Variants in MCCC1 observed in about 807,000 individuals in gnomAD.
MCCC1 encodes the protein methylcrotonoyl-CoA carboxylase subunit alpha, mitochondrial.
MCCC1 carries 64 observed loss-of-function variants against 83.8 expected under a neutral mutation model. The ratio of observed to expected loss-of-function variants is 0.76; its 90% CI spans 0.62 to 0.94. The LOEUF (loss-of-function observed/expected upper bound fraction) is 0.94. Among genes scored for constraint, MCCC1 ranks in the 40% least tolerant of loss-of-function variants. The pLI is 0.00. For synonymous variants in MCCC1, 322 were observed against 315.4 expected (o/e 1.02, Z -0.22); for missense variants, 807 against 904.7 (o/e 0.89, Z 1.39).
chr3:183,059,837 A>C (rs1048844126), intron 7 of MCCC1, among the ~76,000 whole-genome samples: 2 of 152,140 alleles, frequency 1.3e-5, no homozygotes, highest in African/African-American at 4.8e-5. Flanking sequence ...CTCTTCTTGC[A>C]TGGTTTCTGA....
At chr3:183,103,973 G>A (rs1353052077), upstream of MCCC1, among the ~76,000 whole-genome samples, 3 of 152,170 alleles carry the variant, frequency 2.0e-5, no homozygotes, top group South Asian at 2.1e-4. Flanking sequence ...TACACCCTCC[G>A]CAGCCGCTGG....
chr3:183,097,325 C>T (rs1718815127), intron 1 of MCCC1, among the ~76,000 whole-genome samples: 1 of 151,986 alleles, frequency 6.6e-6, no homozygotes, highest in African/African-American at 2.4e-5. Flanking sequence ...ATTCTGCCAC[C>T]AGAGATTATT....
At position 183,071,136 on chromosome 3, in the gene MCCC1, T is replaced by A. The variant is rs528861529; in HGVS notation, c.640-16A>T. 1.2e-6 allele frequency: 2 copies of A among 1,614,194 alleles called. No homozygotes were observed. The highest frequency in any genetic ancestry group is 2.2e-5 in the East Asian group (1 of 44,880). ...TCCTCATTCCCTAAGAGAGAAAAGA[T>A]GATTATGACTACAACATAAATAAAA... On this transcript the variant is annotated splice_polypyrimidine_tract_variant and intron_variant, in intron 6 of 18. Coordinates refer to ENST00000265594, the MANE Select transcript of MCCC1 (RefSeq NM_020166.5).
intron 7 of MCCC1, among the ~76,000 whole-genome samples, chr3:183,068,808 T>C (rs1577324842): frequency 1.3e-5 from 2 of 152,188 alleles, no homozygotes; most frequent in African/African-American, 2.4e-5. Context: ...ATACTTACCA[T>C]TGTGTTACAA....
intron 1 of MCCC1, among the ~76,000 whole-genome samples, chr3:183,114,767 G>A (rs1194862083): frequency 2.0e-5 from 3 of 152,170 alleles, no homozygotes; most frequent in African/African-American, 7.2e-5. Flanking sequence ...GAATCGTGGT[G>A]TTTTATTGGA....
chr3:183,059,428 T>C (rs928771060), intron 7 of MCCC1, among the ~76,000 whole-genome samples: 1 of 152,264 alleles, frequency 6.6e-6, no homozygotes. Flanking sequence ...TTTTTCTTTT[T>C]AGTTTTCTTG....
chr3:183,015,836 C>T (rs181737199), intron 18 of MCCC1, among the ~76,000 whole-genome samples: 9 of 151,734 alleles, frequency 5.9e-5, no homozygotes, highest in South Asian at 2.1e-4. Context: ...TGGTGTAGCT[C>T]GCAGTTCTCA....
upstream of MCCC1, chr3:183,099,529 G>A (rs779270029): frequency 3.3e-6 from 5 of 1,494,126 alleles, no homozygotes; most frequent in East Asian, 4.9e-5. Context: ...ACGAAGCCTC[G>A]TGACCCCCGC....
intron 1 of MCCC1, among the ~76,000 whole-genome samples, chr3:183,104,574 T>C (rs73178990): frequency 0.12 from 18,285 of 152,208 alleles, 1,227 homozygotes; most frequent in East Asian, 0.2. Flanking sequence ...TTGCAACTCT[T>C]ATCACAGATG....
At position 183,070,733 on chromosome 3, in the gene MCCC1, CA is replaced by C. The variant is rs11313652; in HGVS notation, c.761+265del. ...GGGCAACTGAATGAGAGACTCCGTC[CA>C]AAAAAAAAAAAAAATTCTATTCACT... On this transcript the variant is annotated intron_variant, in intron 7 of 18. Transcript: ENST00000265594. 0.88 allele frequency among the ~76,000 whole-genome samples: 126,630 copies of C among 143,610 alleles called. 55,887 individuals are homozygous for C. The highest frequency in any genetic ancestry group is 1 in the East Asian group (4,908 of 4,930). 94.2% of individuals were successfully genotyped at this position (143,610 alleles called of 152,430 possible). A position where few individuals can be genotyped will look rare whatever the true frequency, so the allele number is the denominator to read the frequency against.
chr3:183,021,709 G>T (rs939076234), intron 16 of MCCC1, among the ~76,000 whole-genome samples: 2 of 152,054 alleles, frequency 1.3e-5, no homozygotes, highest in African/African-American at 4.8e-5. Flanking sequence ...TTACTGTAGC[G>T]TAATTGGCTA....
intron 8 of MCCC1, among the ~76,000 whole-genome samples, chr3:183,056,060 G>A (rs1050834974): frequency 2.0e-5 from 3 of 152,108 alleles, no homozygotes; most frequent in Admixed American, 2.0e-4. Context: ...TAAAATAAAT[G>A]TATGTCTAGA....
At chr3:183,062,804 T>C (rs1161510472) in intron 7 of MCCC1, among the ~76,000 whole-genome samples, 1 of 152,204 alleles carries the variant, frequency 6.6e-6, no homozygotes, top group African/African-American at 2.4e-5. Flanking sequence ...TGCAGCTTTA[T>C]CTAACTTAGA....
rs151194222 is a variant in MCCC1 at position 183,067,674 on chromosome 3, A to C, written c.761+3325T>G. On this transcript the variant is annotated intron_variant, in intron 7 of 18. Transcript: ENST00000265594. ...CTCAGAAGAAACAGGAGGGACTGGT[A>C]ATGCAAATATCTGAATCAATATTCT... Among the ~76,000 whole-genome samples the C allele has an allele frequency of 6.2e-3, 940 of 152,326 alleles. 11 individuals carry two copies. Among genetic ancestry groups the C allele is most frequent in the African/African-American group, 0.021 (887 of 41,570 alleles).
intron 4 of MCCC1, among the ~76,000 whole-genome samples, chr3:183,073,434 G>GA (rs1324077548): frequency 2.0e-5 from 3 of 152,032 alleles, no homozygotes; most frequent in East Asian, 1.9e-4. Context: ...CATCTTTCCA[G>GA]AAAAAAAGCT....
intron 13 of MCCC1, among the ~76,000 whole-genome samples, chr3:183,034,746 T>G (rs575695036): frequency 4.6e-5 from 7 of 151,790 alleles, no homozygotes; most frequent in Non-Finnish European, 7.4e-5. Context: ...CTCTTTTATG[T>G]TTTTATGTTG....
intron 15 of MCCC1, among the ~76,000 whole-genome samples, chr3:183,023,451 G>A (rs1712321548): frequency 6.6e-6 from 1 of 152,148 alleles, no homozygotes; most frequent in South Asian, 2.1e-4. Flanking sequence ...ATTGAAAACA[G>A]TTTTGTTTAA....
intron 9 of MCCC1, among the ~76,000 whole-genome samples, chr3:183,049,517 A>G (rs1393521216): frequency 1.3e-5 from 2 of 151,614 alleles, no homozygotes; most frequent in Admixed American, 6.6e-5. Flanking sequence ...GGTTGCAGTG[A>G]GCCAAGATCT....
At chr3:183,109,765 A>T (rs534552226) in intron 1 of MCCC1, among the ~76,000 whole-genome samples, 110 of 152,348 alleles carry the variant, frequency 7.2e-4, no homozygotes, top group African/African-American at 2.3e-3. Flanking sequence ...CTTTGGGTAT[A>T]TATCCGATAA....
Sources: allele counts gnomAD v4.1 joint callset (sites outside exome capture counted in the v4.1 genomes callset), GRCh38; gene constraint gnomAD v4.1.1; transcripts MANE v1.5; gene names NCBI Gene and HGNC (gene_info 2026-07-23, HGNC 2026-07-21).